The following KL variants were observed in gnomAD, a reference collection of about 807,000 sequenced individuals.
KL encodes klotho, also known as alpha-klotho.
KL carries 62 observed loss-of-function variants against 84.2 expected under a neutral mutation model. That is an observed-to-expected ratio of 0.74 (90% CI 0.60 to 0.91). KL has a LOEUF of 0.91. KL is among the 40% of genes least tolerant of loss of function. The pLI is 0.00. For synonymous variants in KL, 528 were observed against 528.0 expected, an observed-to-expected ratio of 1.00 and a Z score of 0.00; for missense variants, 1,261 against 1,305.7, an observed-to-expected ratio of 0.97 and a Z score of 0.53.
At chr13:33,044,046 T>A (rs1229705347) in intron 1 of KL, among the ~76,000 whole-genome samples, 1 of 152,222 alleles carries the variant, frequency 6.6e-6, no homozygotes, top group Non-Finnish European at 1.5e-5. Flanking sequence ...GTTTAATTTT[T>A]TCATACACTT....
At chr13:33,033,567 CA>C (rs1157226192) in intron 1 of KL, among the ~76,000 whole-genome samples, 3 of 152,236 alleles carry the variant, frequency 2.0e-5, no homozygotes, top group African/African-American at 7.2e-5. Context: ...AGGTTCTTCC[CA>C]ACCTGCCCTA....
At chr13:33,063,500 T>A (rs1872287550) in intron 4 of KL, among the ~76,000 whole-genome samples, 1 of 152,012 alleles carries the variant, frequency 6.6e-6, no homozygotes, top group African/African-American at 2.4e-5. Context: ...TGGCCGGGCG[T>A]GGTGACTCAC....
chr13:33,044,915 T>G (rs963720546), intron 1 of KL, among the ~76,000 whole-genome samples: 1 of 152,302 alleles, frequency 6.6e-6, no homozygotes, highest in East Asian at 1.9e-4. Flanking sequence ...ATCTTAGGAT[T>G]TCTACACAGA....
At chr13:33,047,379 G>GTTATTTTTTTTT in intron 1 of KL, among the ~76,000 whole-genome samples, 1 of 145,072 alleles carries the variant, frequency 6.9e-6, no homozygotes. Flanking sequence ...TTGAGATGGA[G>GTTATTTTTTTTT]TCTTGCTCTG....
At chr13:33,057,236 C>T (rs1274972986) in intron 3 of KL, among the ~76,000 whole-genome samples, 3 of 152,080 alleles carry the variant, frequency 2.0e-5, no homozygotes, top group East Asian at 3.9e-4. Context: ...CACAATCTCC[C>T]AGCCAGCATT....
intron 4 of KL, among the ~76,000 whole-genome samples, chr13:33,062,854 GGAGAATAACTTCCAA>G (rs753509796): frequency 5.6e-4 from 85 of 152,104 alleles, no homozygotes; most frequent in Admixed American, 1.2e-3. Context: ...CGAGGGGGTG[GGAGAATAACTTCCAA>G]TCCTGCCTCT....
intron 3 of KL, among the ~76,000 whole-genome samples, chr13:33,056,782 G>C (rs1871977508): frequency 6.6e-6 from 1 of 152,010 alleles, no homozygotes; most frequent in African/African-American, 2.4e-5. Flanking sequence ...CTCCAGCCTG[G>C]GTGACAGAGC....
chr13:33,040,785 G>T (rs531918873), intron 1 of KL, among the ~76,000 whole-genome samples: 34 of 152,220 alleles, frequency 2.2e-4, no homozygotes, highest in Admixed American at 7.8e-4. Flanking sequence ...TGAGTACCAG[G>T]CATCTTCATT....
At chr13:33,037,345 T>A (rs1871174958) in intron 1 of KL, among the ~76,000 whole-genome samples, 2 of 152,178 alleles carry the variant, frequency 1.3e-5, no homozygotes, top group Non-Finnish European at 2.9e-5. Context: ...ACAACAAAGA[T>A]TTTTGAACCT....
chr13:33,027,919 G>A (rs1870837706), intron 1 of KL, among the ~76,000 whole-genome samples: 1 of 152,240 alleles, frequency 6.6e-6, no homozygotes, highest in Admixed American at 6.5e-5. Context: ...GAAGGATAAA[G>A]GGGAAGGAGC....
chr13:33,022,643 TCTTA>T (rs1489984138), intron 1 of KL, among the ~76,000 whole-genome samples: 1 of 152,208 alleles, frequency 6.6e-6, no homozygotes, highest in Middle Eastern at 3.2e-3. Flanking sequence ...TGGGGTAAAC[TCTTA>T]CTTACCCTTC....
At position 33,025,020 on chromosome 13, in the gene KL, C is replaced by A. The variant is rs371220206; in HGVS notation, c.819+7761C>A. Among the ~76,000 whole-genome samples the A allele has an allele frequency of 2.3e-4, 35 of 152,230 alleles. No homozygotes were observed. The South Asian group carries it at 7.3e-3, about 32-fold the overall frequency. ...AGGGGGCCTTTTTACTCCTTCCTGG[C>A]CAGAGCTGCCATTTCCAAGTTTCTG... On this transcript the variant is annotated intron_variant, in intron 1 of 4. Coordinates refer to ENST00000380099, the MANE Select transcript of KL (RefSeq NM_004795.4).
chr13:33,019,823 A>C (rs928399912), intron 1 of KL, among the ~76,000 whole-genome samples: 5 of 152,084 alleles, frequency 3.3e-5, no homozygotes, highest in Admixed American at 2.6e-4. Flanking sequence ...TCTCCTACAA[A>C]GAGCTTGGAG....
intron 3 of KL, among the ~76,000 whole-genome samples, chr13:33,060,078 C>T (rs189886438): frequency 9.2e-5 from 14 of 152,184 alleles, no homozygotes; most frequent in Admixed American, 9.2e-4. Flanking sequence ...ATCCTCATAC[C>T]TCAGCCTCCC....
intron 1 of KL, among the ~76,000 whole-genome samples, chr13:33,019,100 T>C (rs1870477920): frequency 1.0e-4 from 1 of 9,584 alleles, no homozygotes; most frequent in Non-Finnish European, 0.013. Context: ...AACAGGTGAA[T>C]GCTCCATTTG....
chr13:33,046,721 G>C (rs1259542382), intron 1 of KL, among the ~76,000 whole-genome samples: 1 of 149,012 alleles, frequency 6.7e-6, no homozygotes, highest in Non-Finnish European at 1.5e-5. Context: ...TCTTAAGGTG[G>C]AAGACTAAGT....
At chr13:33,060,010 C>T (rs1293396903) in intron 3 of KL, among the ~76,000 whole-genome samples, 3 of 152,146 alleles carry the variant, frequency 2.0e-5, no homozygotes, top group Non-Finnish European at 2.9e-5. Flanking sequence ...GTCACTGAGG[C>T]CGATGTACAG....
chr13:33,054,970 C>A lies in KL; in HGVS notation c.1331-77C>A, dbSNP rs922313744. 3.2e-6 allele frequency: 5 copies of A among 1,577,400 alleles called. No homozygotes were observed. The South Asian group carries it at 5.6e-5, about 18-fold the overall frequency. On this transcript the variant is annotated intron_variant, in intron 2 of 4. Transcript: ENST00000380099. ...ACACTTTATTTATTTAAGTAGGAAA[C>A]GCTCAGCTGCTCTTGAACCATGATG...
At chr13:33,053,050 G>A (rs993592899) in intron 1 of KL, among the ~76,000 whole-genome samples, 22 of 152,248 alleles carry the variant, frequency 1.4e-4, no homozygotes, top group Admixed American at 4.6e-4. Context: ...ACTGCTGTAC[G>A]AAACTCCTGG....
Sources: gnomAD v4.1 joint callset for allele counts (sites outside exome capture counted in the v4.1 genomes callset) on GRCh38, gnomAD v4.1.1 for gene constraint, MANE v1.5 for transcripts, NCBI Gene and HGNC (gene_info 2026-07-23, HGNC 2026-07-21) for gene names.